The following SNRPA1 variants were observed in gnomAD, a reference collection of about 807,000 sequenced individuals.
SNRPA1 encodes the protein small nuclear ribonucleoprotein polypeptide A'.
A neutral mutation model predicts 32.3 loss-of-function variants in SNRPA1; 5 were observed. That is an observed-to-expected ratio of 0.15 (90% CI 0.08 to 0.33). The LOEUF (loss-of-function observed/expected upper bound fraction) is 0.33, where lower values mean the gene tolerates loss of function less well. SNRPA1 is among the 10% of genes least tolerant of loss of function. The pLI is 1.00. For synonymous variants in SNRPA1, 111 were observed against 120.1 expected (o/e 0.92, Z 0.50); for missense variants, 198 against 311.1 (o/e 0.64, Z 2.74).
intron 1 of SNRPA1, 48 bp downstream of exon 1, chr15:101,295,049 G>T: frequency 7.9e-7 from 1 of 1,258,366 alleles, no homozygotes; most frequent in Non-Finnish European, 1.1e-6. Flanking sequence ...GGAAAATAAG[G>T]CGGCTCGGTG....
intron 5 of SNRPA1, chr15:101,286,620 C>T (rs183013181): frequency 5.1e-5 from 23 of 453,596 alleles, no homozygotes; most frequent in Admixed American, 2.4e-4. Context: ...TTAAGTTCTC[C>T]GCTGGGAACG....
At chr15:101,282,778 GA>G (rs2039411214) in intron 8 of SNRPA1, among the ~76,000 whole-genome samples, 1 of 152,202 alleles carries the variant, frequency 6.6e-6, no homozygotes, top group South Asian at 2.1e-4. Context: ...GAGTTCCCCA[GA>G]AAAGTCTTAA....
Position 101,291,631 on chromosome 15 carries a change from C to T in SNRPA1, c.309+331G>A, listed in dbSNP as rs190782129. On this transcript the variant is annotated intron_variant, in intron 3 of 8. Coordinates refer to ENST00000254193, the MANE Select transcript of SNRPA1 (RefSeq NM_003090.4). ...GTTACTGGTACTATATTGAACACTG[C>T]AATTGTAGAAAACAACATAGGAGTT... Among the ~76,000 whole-genome samples the T allele has an allele frequency of 1.0e-3, 154 of 151,798 alleles. 1 individual carries two copies. The Middle Eastern group carries it at 0.014, about 13-fold the overall frequency.
intron 4 of SNRPA1, 24 bp from the exon 5 acceptor site, chr15:101,287,034 T>C: frequency 1.5e-6 from 2 of 1,314,076 alleles, no homozygotes; most frequent in Non-Finnish European, 2.2e-6. Flanking sequence ...AATGACACAA[T>C]GGCAAACTTG....
chr15:101,281,817 T>C lies in SNRPA1; in HGVS notation c.710-35A>G, dbSNP rs779587907. 9 of 1,598,296 alleles carry C rather than the reference T, an allele frequency of 5.6e-6. No homozygotes were observed. In the African/African-American group the frequency reaches 9.4e-5, roughly 17 times the overall value. ...ACCACCAAAGCAAAAGTAGTATCAATTTTAGAGAATCCATTCCCTTAGCAT... is the reference window on the plus strand; with the variant it reads ...ACCACCAAAGCAAAAGTAGTATCAACTTTAGAGAATCCATTCCCTTAGCAT... On this transcript the variant is annotated intron_variant, in intron 8 of 8. Coordinates refer to ENST00000254193, the MANE Select transcript of SNRPA1 (RefSeq NM_003090.4).
intron 3 of SNRPA1, chr15:101,287,986 G>A (rs2039474363): frequency 5.3e-6 from 2 of 378,242 alleles, no homozygotes; most frequent in Admixed American, 7.8e-5. Flanking sequence ...GCCATGATTT[G>A]GAAAAGAAAA....
In SNRPA1 at chr15:101,295,029, G is replaced by T. The variant is rs558359836; in HGVS notation, c.82+68C>A. On this transcript the variant is annotated intron_variant, in intron 1 of 8. Coordinates refer to ENST00000254193, the MANE Select transcript of SNRPA1 (RefSeq NM_003090.4). The stretch of plus-strand genomic sequence containing the variant: ...CCAAGCTCCGGCCTTCGGTGCACGC[G>T]GCAAAGCGCGGAAAATAAGGCGGCT... The T allele has an allele frequency of 1.7e-4, 185 of 1,087,682 alleles. 1 individual carries two copies. The African/African-American group carries it at 2.6e-3, about 15-fold the overall frequency. The allele number at this position is 1,087,682 out of a possible 1,614,324, so 67.4% of individuals were successfully genotyped here.
At chr15:101,294,952 G>C in intron 1 of SNRPA1, 145 bp downstream of exon 1, 1 of 509,578 alleles carries the variant, frequency 2.0e-6, no homozygotes, top group Non-Finnish European at 3.4e-6. Context: ...CAAGAATCAG[G>C]CCCGGCGTTC....
intron 3 of SNRPA1, among the ~76,000 whole-genome samples, chr15:101,290,740 A>ATTTTTT: frequency 8.4e-6 from 1 of 118,576 alleles, no homozygotes; most frequent in Non-Finnish European, 1.8e-5. Flanking sequence ...CACTTTTGGC[A>ATTTTTT]TTTTTTTTTT....
At chr15:101,294,102 G>T (rs955015160) in intron 1 of SNRPA1, among the ~76,000 whole-genome samples, 2 of 152,208 alleles carry the variant, frequency 1.3e-5, no homozygotes, top group Admixed American at 1.3e-4. Flanking sequence ...GGGCGTGGTG[G>T]CGCATGCCTG....
chr15:101,284,678 T>G, intron 8 of SNRPA1: 1 of 250,876 alleles, frequency 4.0e-6, no homozygotes, highest in Non-Finnish European at 8.2e-6. Flanking sequence ...AATTTTGTAT[T>G]TTTAGTAGAG....
At chr15:101,293,457 C>T (rs2039551018) in intron 1 of SNRPA1, 1 of 224,176 alleles carries the variant, frequency 4.5e-6, no homozygotes, top group Admixed American at 5.8e-5. Context: ...TTTATAAGAA[C>T]ATTTACAAGG....
At chr15:101,284,910 G>T in intron 8 of SNRPA1, 57 bp downstream of exon 8, 1 of 1,288,210 alleles carries the variant, frequency 7.8e-7, no homozygotes, top group Non-Finnish European at 1.1e-6. Context: ...AAATGGTTGT[G>T]AGTTACACTC....
At chr15:101,291,416 A>G (rs550241017) in intron 3 of SNRPA1, among the ~76,000 whole-genome samples, 3 of 152,332 alleles carry the variant, frequency 2.0e-5, no homozygotes, top group African/African-American at 7.2e-5. Flanking sequence ...TCTAGTAGCC[A>G]TGTTAAAATA....
At chr15:101,287,551 A>C in intron 4 of SNRPA1, 105 bp downstream of exon 4, 1 of 902,284 alleles carries the variant, frequency 1.1e-6, no homozygotes, top group Admixed American at 1.9e-5. Context: ...TCCATGGTGC[A>C]TATGTGCCAC....
chr15:101,292,007 G>A lies in SNRPA1; in HGVS notation c.264C>T (p.Pro88=), dbSNP rs2039531772. 3.1e-6 allele frequency: 5 copies of A among 1,612,838 alleles called. No homozygotes were observed. In the African/African-American group the frequency reaches 4.0e-5, roughly 13 times the overall value. The change falls in exon 3 of 9, where the codon CCC becomes CCT. Residue 88 remains proline (P), a synonymous_variant. Transcript: ENST00000254193. ...RIGEGLDQAL[P]CLTELILTNN... is the part of the protein sequence containing the mutation. Reference sequence around the variant, plus strand: ...TGGTGAGAATGAGTTCTGTCAGACAGGGCAGAGCCTGATCAAGTCCCTCAC... The same window carrying A: ...TGGTGAGAATGAGTTCTGTCAGACAAGGCAGAGCCTGATCAAGTCCCTCAC...
intron 4 of SNRPA1, 32 bp from the exon 5 acceptor site, chr15:101,287,042 T>G (rs1017454173): frequency 8.3e-7 from 1 of 1,203,816 alleles, no homozygotes; most frequent in African/African-American, 1.5e-5. Flanking sequence ...AATGGCAAAC[T>G]TGTTCATGGC....
chr15:101,292,952 G>A, intron 2 of SNRPA1, 73 bp downstream of exon 2: 1 of 1,010,006 alleles, frequency 9.9e-7, no homozygotes, highest in South Asian at 2.3e-5. Context: ...AGTAGCACGT[G>A]CTACAACTTC....
At position 101,293,962 on chromosome 15, in the gene SNRPA1, A is replaced by G. The variant is rs375337225; in HGVS notation, c.83-790T>C. 7.2e-5 allele frequency among the ~76,000 whole-genome samples: 11 copies of G among 152,222 alleles called. No homozygotes were observed. In the East Asian group the frequency reaches 1.3e-3, roughly 19 times the overall value. ...AAAAGTGGTGAGTTGGGCCGGGCGC[A>G]GTGGCTCAAGCCTGTAATCCCAGCA... On this transcript the variant is annotated intron_variant, in intron 1 of 8. Transcript: ENST00000254193.
Sources: allele counts gnomAD v4.1 joint callset (sites outside exome capture counted in the v4.1 genomes callset), GRCh38; gene constraint gnomAD v4.1.1; transcripts MANE v1.5; gene names NCBI Gene and HGNC (gene_info 2026-07-23, HGNC 2026-07-21).